RARB: variants seen among roughly 807,000 people sequenced by gnomAD.
RARB encodes HBV-activated protein.
In RARB, 17 loss-of-function variants were observed where a neutral mutation model predicts 51.9. The observed-to-expected ratio is 0.33, with a 90% confidence interval of 0.22 to 0.49. The LOEUF (loss-of-function observed/expected upper bound fraction) is 0.49. RARB is among the 20% of genes least tolerant of loss of function. RARB has a pLI of 0.99. For missense variants in RARB, 369 were observed against 550.8 expected (o/e 0.67, Z 3.30); for synonymous variants, 215 against 195.4 (o/e 1.10, Z -0.84).
intron 4 of RARB, among the ~76,000 whole-genome samples, chr3:25,157,541 C>T (rs896456536): frequency 6.8e-6 from 1 of 146,446 alleles, no homozygotes; most frequent in Non-Finnish European, 1.5e-5. Flanking sequence ...GGACTACAGG[C>T]GTGAGCCACC....
chr3:25,499,872 T>G (rs1697210096), intron 2 of RARB, among the ~76,000 whole-genome samples: 1 of 152,132 alleles, frequency 6.6e-6, no homozygotes, highest in Admixed American at 6.5e-5. Flanking sequence ...ACAATAATAT[T>G]TGGGGTTATT....
rs150995178 is a variant in RARB at position 25,503,614 on chromosome 3, A to C, written c.448+2291A>C. On this transcript the variant is annotated intron_variant, in intron 3 of 7. Transcript: ENST00000330688. Reference sequence around the variant, plus strand: ...GATTTAAAAATATAGAAATGGGAAGAAAATGGGATCATTATGTCCAAGTAC... The same window carrying C: ...GATTTAAAAATATAGAAATGGGAAGCAAATGGGATCATTATGTCCAAGTAC... 4.9e-4 allele frequency among the ~76,000 whole-genome samples: 74 copies of C among 152,340 alleles called. No individual in the cohort carries two copies. The Middle Eastern group carries it at 0.017, about 35-fold the overall frequency.
At chr3:25,081,587 A>ATG (rs2125313042) in intron 3 of RARB, among the ~76,000 whole-genome samples, 2 of 14,578 alleles carry the variant, frequency 1.4e-4, no homozygotes, top group South Asian at 7.3e-3. Context: ...CTTCATATAC[A>ATG]TATATATATA....
At chr3:25,165,987 T>C (rs1700554442) in intron 4 of RARB, among the ~76,000 whole-genome samples, 1 of 152,048 alleles carries the variant, frequency 6.6e-6, no homozygotes, top group African/African-American at 2.4e-5. Flanking sequence ...CTTTCTAAGC[T>C]TCTTAAAAAA....
chr3:25,025,880 A>G (rs1697737487), intron 2 of RARB, among the ~76,000 whole-genome samples: 1 of 152,122 alleles, frequency 6.6e-6, no homozygotes, highest in Non-Finnish European at 1.5e-5. Flanking sequence ...TGTAGGAGCT[A>G]TATGTCAAAT....
At chr3:25,231,722 A>C (rs989319882) in intron 5 of RARB, among the ~76,000 whole-genome samples, 1 of 152,120 alleles carries the variant, frequency 6.6e-6, no homozygotes, top group Non-Finnish European at 1.5e-5. Context: ...CCTTCTTTGA[A>C]CAATCCATTC....
At chr3:25,196,564 A>G (rs1033501019) in intron 5 of RARB, among the ~76,000 whole-genome samples, 1 of 152,122 alleles carries the variant, frequency 6.6e-6, no homozygotes, top group Non-Finnish European at 1.5e-5. Context: ...AACATGATTT[A>G]TAATCCTTTG....
At chr3:25,185,514 G>A (rs1700955188) in intron 5 of RARB, among the ~76,000 whole-genome samples, 1 of 152,114 alleles carries the variant, frequency 6.6e-6, no homozygotes, top group African/African-American at 2.4e-5. Context: ...CCAAAAAGAA[G>A]TACCTAAGGA....
chr3:24,938,108 T>G (rs1464746287), intron 2 of RARB, among the ~76,000 whole-genome samples: 1 of 152,058 alleles, frequency 6.6e-6, no homozygotes, highest in Non-Finnish European at 1.5e-5. Context: ...GATGGAGAGC[T>G]TGAGAGGTGA....
chr3:25,281,814 A>C (rs1168205195), intron 5 of RARB, among the ~76,000 whole-genome samples: 1 of 152,188 alleles, frequency 6.6e-6, no homozygotes, highest in Non-Finnish European at 1.5e-5. Flanking sequence ...GAAGGTCTTT[A>C]TCCCCCGACA....
chr3:25,507,609 G>A (rs1042017684), intron 3 of RARB, among the ~76,000 whole-genome samples: 4 of 152,202 alleles, frequency 2.6e-5, no homozygotes, highest in Admixed American at 6.5e-5. Flanking sequence ...AGCTGAGCAG[G>A]TGTCTTGGGG....
At chr3:25,076,131 C>T (rs1475902519) in intron 3 of RARB, among the ~76,000 whole-genome samples, 1 of 144,864 alleles carries the variant, frequency 6.9e-6, no homozygotes, top group Admixed American at 7.4e-5. Flanking sequence ...GTAGTATCCC[C>T]AGAAGCAGTT....
intron 5 of RARB, among the ~76,000 whole-genome samples, chr3:25,183,164 A>G (rs182429240): frequency 6.6e-6 from 1 of 152,284 alleles, no homozygotes; most frequent in East Asian, 1.9e-4. Context: ...CCCTCTAAAA[A>G]TATCCATTAA....
At chr3:25,424,546 G>GA (rs899638260), upstream of RARB, among the ~76,000 whole-genome samples, 29 of 151,762 alleles carry the variant, frequency 1.9e-4, no homozygotes, top group African/African-American at 5.8e-4. Flanking sequence ...GATTAACAGG[G>GA]AAAAAAAATT....
chr3:25,026,093 C>A (rs1352665255), intron 2 of RARB, among the ~76,000 whole-genome samples: 8 of 152,082 alleles, frequency 5.3e-5, no homozygotes, highest in African/African-American at 1.7e-4. Context: ...CTCTTGCTCC[C>A]CCCACCTTGA....
chr3:25,101,102 G>A (rs1389450652), intron 3 of RARB, among the ~76,000 whole-genome samples: 3 of 152,162 alleles, frequency 2.0e-5, no homozygotes, highest in African/African-American at 7.2e-5. Context: ...CATTTAAAGA[G>A]ACTTTTGTTA....
chr3:24,877,621 T>A (rs1703072866), intron 2 of RARB, among the ~76,000 whole-genome samples: 1 of 152,100 alleles, frequency 6.6e-6, no homozygotes, highest in African/African-American at 2.4e-5. Context: ...GCAGGAGGTT[T>A]TAGTATAAAC....
chr3:25,170,120 G>A (rs1464932068), intron 4 of RARB, among the ~76,000 whole-genome samples: 4 of 152,020 alleles, frequency 2.6e-5, no homozygotes, highest in Non-Finnish European at 5.9e-5. Context: ...AGCAAACCAC[G>A]GCCCATGGGT....
chr3:25,358,866 C>T (rs1705834417), intron 5 of RARB, among the ~76,000 whole-genome samples: 1 of 151,956 alleles, frequency 6.6e-6, no homozygotes, highest in Non-Finnish European at 1.5e-5. Flanking sequence ...TAATGTGCTG[C>T]TGGATTCAGT....
Sources: gnomAD v4.1 joint callset for allele counts (sites outside exome capture counted in the v4.1 genomes callset) on GRCh38, gnomAD v4.1.1 for gene constraint, MANE v1.5 for transcripts, NCBI Gene and HGNC (gene_info 2026-07-23, HGNC 2026-07-21) for gene names.